Variants in EPN2 observed in about 807,000 individuals in gnomAD.
EPN2 encodes the protein epsin 2.
Under a neutral mutation model 61.7 loss-of-function variants are expected in EPN2, and 34 were observed. The ratio of observed to expected loss-of-function variants is 0.55; its 90% CI spans 0.42 to 0.73. The LOEUF (loss-of-function observed/expected upper bound fraction) is 0.73. EPN2 is among the 30% of genes least tolerant of loss of function. The pLI is 0.00. For synonymous variants in EPN2, 349 were observed against 353.6 expected (o/e 0.99, Z 0.15); for missense variants, 714 against 839.2 (o/e 0.85, Z 1.84).
At chr17:19,273,204 G>A (rs939518978) in intron 1 of EPN2, 1 of 152,184 alleles carries the variant, frequency 6.6e-6, no homozygotes, top group Non-Finnish European at 1.5e-5. Context: ...CCCTTCAGGA[G>A]CCTCTGCCTG....
intron 1 of EPN2, among the ~76,000 whole-genome samples, chr17:19,240,597 G>A (rs1254342831): frequency 6.6e-6 from 1 of 152,228 alleles, no homozygotes; most frequent in Non-Finnish European, 1.5e-5. Context: ...TACGTAGTTT[G>A]TATCCCTTTT....
intron 7 of EPN2, among the ~76,000 whole-genome samples, chr17:19,319,751 A>C (rs1228367819): frequency 6.6e-6 from 1 of 151,558 alleles, no homozygotes; most frequent in African/African-American, 2.4e-5. Context: ...AGGTTCAAGC[A>C]GTTCTCCTGC....
intron 4 of EPN2, chr17:19,308,583 A>C: frequency 3.0e-6 from 3 of 985,370 alleles, no homozygotes; most frequent in Non-Finnish European, 3.6e-6. Flanking sequence ...CAGGTCCGGG[A>C]AGCCGAGCTC....
intron 1 of EPN2, among the ~76,000 whole-genome samples, chr17:19,259,392 A>G (rs1344911743): frequency 1.4e-5 from 2 of 143,200 alleles, no homozygotes; most frequent in Admixed American, 7.5e-5. Flanking sequence ...GGCTCACTGC[A>G]AGCTCCACCT....
chr17:19,308,151 G>A, intron 4 of EPN2: 1 of 545,554 alleles, frequency 1.8e-6, no homozygotes, highest in Non-Finnish European at 2.3e-6. Context: ...TTGGCTCACT[G>A]CAACCTCTGC....
At chr17:19,246,302 A>G (rs1371844063) in intron 1 of EPN2, among the ~76,000 whole-genome samples, 2 of 152,196 alleles carry the variant, frequency 1.3e-5, no homozygotes, top group Non-Finnish European at 2.9e-5. Flanking sequence ...GGTCGCAGTG[A>G]GCTGAGATCA....
intron 4 of EPN2, among the ~76,000 whole-genome samples, chr17:19,298,746 G>A (rs1364629067): frequency 2.6e-5 from 4 of 152,138 alleles, no homozygotes; most frequent in Non-Finnish European, 5.9e-5. Context: ...TAAAATGGAC[G>A]TAACCATAGT....
chr17:19,303,341 A>G (rs745476202), intron 4 of EPN2, among the ~76,000 whole-genome samples: 6 of 152,166 alleles, frequency 3.9e-5, no homozygotes, highest in Non-Finnish European at 8.8e-5. Context: ...CTTGCTGCTG[A>G]TCAGCCTAAT....
At chr17:19,261,916 G>C (rs1018851768) in intron 1 of EPN2, among the ~76,000 whole-genome samples, 1 of 152,156 alleles carries the variant, frequency 6.6e-6, no homozygotes, top group African/African-American at 2.4e-5. Context: ...GGCTGGGAGT[G>C]GTGGCTCACA....
At chr17:19,324,413 A>AACCT (rs1352377950) in intron 7 of EPN2, among the ~76,000 whole-genome samples, 1 of 152,206 alleles carries the variant, frequency 6.6e-6, no homozygotes, top group Non-Finnish European at 1.5e-5. Flanking sequence ...AGCTCACTGT[A>AACCT]ACCTCTGCCT....
rs1318144438 is a variant in EPN2, at chr17:19,285,917, G to C, written c.766+127G>C. On this transcript the variant is annotated intron_variant, in intron 4 of 10. Transcript: ENST00000314728. This position sits in a 1 kb window ranked among gnomAD's most constrained non-coding sequence, Gnocchi z 4.5. ...GGGCCTGGGGGTTTGGCCTCCAGCA[G>C]GCCCAGGAGCCCTTTCTTCCTCTCT... 7.1e-7 allele frequency: 1 copy of C among 1,402,638 alleles called. No homozygotes were observed. The highest frequency in any genetic ancestry group is 1.5e-5 in the African/African-American group (1 of 67,878). 86.9% of individuals were successfully genotyped at this position (1,402,638 alleles called of 1,614,324 possible). A position where few individuals can be genotyped will look rare whatever the true frequency, so the allele number is the denominator to read the frequency against.
Position 19,283,754 on chromosome 17 carries a change from C to T in EPN2, c.595+40C>T, listed in dbSNP as rs1301991821. On this transcript the variant is annotated intron_variant, in intron 3 of 10. Coordinates refer to ENST00000314728, the MANE Select transcript of EPN2 (RefSeq NM_014964.5). The surrounding 1 kb of genome is among the most constrained non-coding windows in gnomAD (Gnocchi z 7.0). ...TGCTTCTCACCCTTTGCCAGAGCAG[C>T]AGCAATGGGTGACAGGCAGGGTGGG... 2 of 1,436,298 alleles carry T rather than the reference C, an allele frequency of 1.4e-6. No individual in the cohort carries two copies. Among genetic ancestry groups the T allele is most frequent in the Non-Finnish European group, 1.9e-6 (2 of 1,069,274 alleles). 89.0% of individuals were successfully genotyped at this position (1,436,298 alleles called of 1,614,324 possible). A position where few individuals can be genotyped will look rare whatever the true frequency, so the allele number is the denominator to read the frequency against.
chr17:19,283,577 G>T lies in EPN2; in HGVS notation c.458G>T (p.Arg153Leu). ...ERAQALKTKE[R>L]MAQVATGMGS... is the part of the protein sequence containing the mutation. ...GCCCAGGCTCTCAAAACCAAAGAGC[G>T]CATGGCCCAGGTTGCCACTGGCATG... The change falls in exon 3 of 11, where the codon CGC becomes CTC. Residue 153 changes from arginine (R) to leucine (L), a missense_variant. By Grantham distance (102) the Arg-to-Leu change is moderately radical (BLOSUM62 -2). Around this residue, in one of 2 missense-constraint regions of EPN2, gnomAD observed 304 missense variants for 417.4 expected, o/e 0.73. Transcript: ENST00000314728. The surrounding 1 kb of genome is among the most constrained non-coding windows in gnomAD (Gnocchi z 7.0). The T allele has an allele frequency of 6.2e-7, 1 of 1,614,216 alleles. No individual in the cohort carries two copies. The highest frequency in any genetic ancestry group is 8.5e-7 in the Non-Finnish European group (1 of 1,180,046).
rs911224546 is a variant in EPN2, at chr17:19,324,878, ATTT to A, written c.1148-3828_1148-3826del. 1.7e-3 allele frequency among the ~76,000 whole-genome samples: 256 copies of A among 152,320 alleles called. 1 individual carries two copies. The highest frequency in any genetic ancestry group is 5.8e-3 in the African/African-American group (241 of 41,566). On this transcript the variant is annotated intron_variant, in intron 7 of 10. Coordinates refer to ENST00000314728, the MANE Select transcript of EPN2 (RefSeq NM_014964.5). The stretch of plus-strand genomic sequence containing the variant: ...GTAATAGACAAATTTCTGGCAAGAA[ATTT>A]TTTTAAGAGGAAGGGCACAAACAGC...
chr17:19,327,596 A>G (rs1426908418), intron 7 of EPN2, among the ~76,000 whole-genome samples: 2 of 152,090 alleles, frequency 1.3e-5, no homozygotes, highest in Non-Finnish European at 2.9e-5. Flanking sequence ...TCGCTTGAGC[A>G]TGGGAGGTGG....
chr17:19,333,938 C>A lies in EPN2; in HGVS notation c.1628-18C>A. ...CACCCTGACGGCTCAGCCTCTGCCC[C>A]TCCTTCTGTCTCCCCAGGTGCTCCC... is the stretch of plus-strand genomic sequence containing the variant. On this transcript the variant is annotated intron_variant, in intron 10 of 10. Coordinates refer to ENST00000314728, the MANE Select transcript of EPN2 (RefSeq NM_014964.5). The A allele has an allele frequency of 6.6e-7, 1 of 1,516,152 alleles. No individual in the cohort carries two copies. The highest frequency in any genetic ancestry group is 2.3e-5 in the East Asian group (1 of 42,970). The allele number at this position is 1,516,152 out of a possible 1,614,324, so 93.9% of individuals were successfully genotyped here.
At chr17:19,326,309 G>T (rs1297002326) in intron 7 of EPN2, among the ~76,000 whole-genome samples, 1 of 152,080 alleles carries the variant, frequency 6.6e-6, no homozygotes, top group Non-Finnish European at 1.5e-5. Flanking sequence ...GAAGAGCAGA[G>T]GGCCAAGAAT....
intron 1 of EPN2, among the ~76,000 whole-genome samples, chr17:19,256,082 T>C (rs1047806879): frequency 4.6e-5 from 7 of 151,738 alleles, no homozygotes; most frequent in Non-Finnish European, 7.4e-5. Flanking sequence ...GGACTACAGG[T>C]GCCCGCCACC....
At chr17:19,310,407 G>C (rs1906066027) in intron 5 of EPN2, among the ~76,000 whole-genome samples, 1 of 152,130 alleles carries the variant, frequency 6.6e-6, no homozygotes, top group Admixed American at 6.5e-5. Flanking sequence ...CAAGCACTTT[G>C]ACCTGTAGCA....
Sources: allele counts gnomAD v4.1 joint callset (sites outside exome capture counted in the v4.1 genomes callset), GRCh38; gene constraint gnomAD v4.1.1; regional missense constraint gnomAD v4.1.1; non-coding constraint Gnocchi (gnomAD v3.1); transcripts MANE v1.5; gene names NCBI Gene and HGNC (gene_info 2026-07-23, HGNC 2026-07-21).